TP53BP1: variants seen among roughly 807,000 people sequenced by gnomAD.
TP53BP1 encodes tumor protein p53 binding protein 1.
Under a neutral mutation model 200.8 loss-of-function variants are expected in TP53BP1, and 61 were observed. The ratio of observed to expected loss-of-function variants is 0.30; its 90% CI spans 0.25 to 0.38. The LOEUF (loss-of-function observed/expected upper bound fraction) is 0.38, where lower values mean the gene tolerates loss of function less well. Among genes scored for constraint, TP53BP1 ranks in the 10% least tolerant of loss-of-function variants. The pLI, the probability that TP53BP1 is intolerant of heterozygous loss-of-function variation, is 1.00. For synonymous variants in TP53BP1, 822 were observed against 844.3 expected (o/e 0.97, Z 0.46); for missense variants, 2,144 against 2,371.9 (o/e 0.90, Z 2.00).
At chr15:43,419,576 T>C (rs2045348130) in intron 21 of TP53BP1, among the ~76,000 whole-genome samples, 1 of 131,354 alleles carries the variant, frequency 7.6e-6, no homozygotes, top group Non-Finnish European at 1.6e-5. Flanking sequence ...AGAGACAGGG[T>C]CTCACTATGT....
At chr15:43,482,227 T>A (rs1221955793) in intron 4 of TP53BP1, among the ~76,000 whole-genome samples, 1 of 151,272 alleles carries the variant, frequency 6.6e-6, no homozygotes, top group Non-Finnish European at 1.5e-5. Context: ...AGACTCCACC[T>A]CAAAAAACAA....
intron 26 of TP53BP1, chr15:43,408,327 A>C: frequency 2.5e-6 from 1 of 408,156 alleles, no homozygotes; most frequent in Non-Finnish European, 4.5e-6. Flanking sequence ...AAGACAACAA[A>C]AAAATTAGCT....
chr15:43,422,058 G>GCC lies in TP53BP1; in HGVS notation c.3895_3896dup (p.Ser1300AlafsTer68). On this transcript the variant is annotated frameshift_variant, in exon 19 of 28. Transcript: ENST00000382044. LOFTEE classifies it high-confidence loss of function. ...TGATATCCCCCAGGTCACCTGAGGA[G>GCC]CCCCCAGTCTGTGAAGGGGAAACTT... The GCC allele has an allele frequency of 6.2e-7, 1 of 1,614,138 alleles. No homozygotes were observed. Among genetic ancestry groups the GCC allele is most frequent in the Non-Finnish European group, 8.5e-7 (1 of 1,180,008 alleles).
At chr15:43,493,584 T>C (rs1595632460), upstream of TP53BP1, among the ~76,000 whole-genome samples, 1 of 152,030 alleles carries the variant, frequency 6.6e-6, no homozygotes, top group Non-Finnish European at 1.5e-5. Flanking sequence ...TCAGAGCTGG[T>C]GAACCCAACA....
rs1424251637 is a variant in TP53BP1 at position 43,456,540 on chromosome 15, C to T, written c.2068G>A (p.Glu690Lys). Reference protein sequence around the residue: ...QGEELKEENMESVPLHLSLTE... With the variant: ...QGEELKEENMKSVPLHLSLTE... ...AGAGAAAGGTGCAACGGAACACTCT[C>T]CATATTTTCTTCTTTGAGTTCCTCT... Residue 690 changes from glutamate to lysine, a missense_variant, in exon 12 of 28, where the codon GAG (glutamate) becomes AAG (lysine). Glu to Lys is a moderately conservative substitution (Grantham distance 56). Around this residue, in one of 4 missense-constraint regions of TP53BP1, gnomAD observed 1,700 missense variants for 1,710.3 expected, o/e 0.99. Transcript: ENST00000382044. The T allele has an allele frequency of 1.2e-6, 2 of 1,611,672 alleles. No homozygotes were observed. The highest frequency in any genetic ancestry group is 8.5e-7 in the Non-Finnish European group (1 of 1,178,964).
intron 1 of TP53BP1, among the ~76,000 whole-genome samples, chr15:43,507,910 C>T (rs2439835): frequency 1.3e-5 from 2 of 151,968 alleles, no homozygotes; most frequent in East Asian, 3.9e-4. Context: ...AGATGGGGTT[C>T]CATTATGTAC....
At chr15:43,409,383 G>A (rs2045036803) in intron 25 of TP53BP1, 9 of 555,474 alleles carry the variant, frequency 1.6e-5, no homozygotes. Flanking sequence ...CCCTAATAGG[G>A]GTTTCTACTA....
intron 18 of TP53BP1, among the ~76,000 whole-genome samples, chr15:43,425,223 A>C (rs2142994100): frequency 6.6e-6 from 1 of 152,344 alleles, no homozygotes; most frequent in South Asian, 2.1e-4. Flanking sequence ...AAACAGACTA[A>C]GAGAGCGTTT....
intron 5 of TP53BP1, 112 bp from the exon 6 acceptor site, chr15:43,480,129 T>TG: frequency 5.4e-6 from 5 of 927,976 alleles, no homozygotes; most frequent in Non-Finnish European, 6.4e-6. Context: ...CAAAGCCCTG[T>TG]GCACCCCCCA....
chr15:43,459,346 G>A (rs1372468827), intron 11 of TP53BP1, among the ~76,000 whole-genome samples: 1 of 152,018 alleles, frequency 6.6e-6, no homozygotes, highest in Admixed American at 6.6e-5. Flanking sequence ...CCAAAAAAAA[G>A]ATGTGCAAAT....
At chr15:43,430,917 A>G (rs1377620144) in intron 17 of TP53BP1, among the ~76,000 whole-genome samples, 1 of 152,142 alleles carries the variant, frequency 6.6e-6, no homozygotes, top group African/African-American at 2.4e-5. Flanking sequence ...TTTCACTTAG[A>G]GGAAGCACTT....
intron 15 of TP53BP1, among the ~76,000 whole-genome samples, chr15:43,440,308 G>A (rs1366693329): frequency 6.6e-5 from 10 of 151,832 alleles, no homozygotes; most frequent in Admixed American, 2.6e-4. Flanking sequence ...TCAGGAGATC[G>A]AGACCATCCT....
upstream of TP53BP1, among the ~76,000 whole-genome samples, chr15:43,494,117 G>C (rs1335815872): frequency 6.6e-6 from 1 of 152,166 alleles, no homozygotes; most frequent in Non-Finnish European, 1.5e-5. Context: ...TATTATTTAA[G>C]TGGCAGTTGG....
In TP53BP1 at chr15:43,409,639, C is replaced by G. The variant is rs202137327; in HGVS notation, c.5400+8G>C. On this transcript the variant is annotated splice_region_variant and intron_variant, in intron 25 of 27. Transcript: ENST00000382044. ...CACTATATTAGGTTACACAAAGAAA[C>G]TCCTCACCTGGGCTTCATTGAAATC... 23 of 1,501,394 alleles carry G rather than the reference C, an allele frequency of 1.5e-5. No homozygotes were observed. Among genetic ancestry groups the G allele is most frequent in the Non-Finnish European group, 2.0e-5 (22 of 1,112,406 alleles). The allele number at this position is 1,501,394 out of a possible 1,614,324, so 93.0% of individuals were successfully genotyped here.
chr15:43,464,740 C>T (rs970473994), intron 11 of TP53BP1, among the ~76,000 whole-genome samples: 1 of 150,978 alleles, frequency 6.6e-6, no homozygotes, highest in Non-Finnish European at 1.5e-5. Flanking sequence ...CCCGTCTCTA[C>T]TAAAAAAAAA....
intron 1 of TP53BP1, among the ~76,000 whole-genome samples, chr15:43,509,035 G>GT (rs1432494092): frequency 1.3e-5 from 2 of 152,114 alleles, no homozygotes; most frequent in Admixed American, 1.3e-4. Context: ...CCCTGTGCTA[G>GT]TTAGCGGCCT....
upstream of TP53BP1, among the ~76,000 whole-genome samples, chr15:43,493,783 G>C (rs2079161312): frequency 6.6e-6 from 1 of 152,158 alleles, no homozygotes; most frequent in African/African-American, 2.4e-5. Context: ...TTCCGCCTAG[G>C]ACGTATTTCA....
rs2044847958 is a variant in TP53BP1, at chr15:43,405,742, TTAAAA to T, written c.*1636_*1640del. 1 of 152,798 alleles carries T rather than the reference TTAAAA, an allele frequency of 6.5e-6. No individual in the cohort carries two copies. The highest frequency in any genetic ancestry group is 1.5e-5 in the Non-Finnish European group (1 of 68,574). 9.5% of individuals were successfully genotyped at this position (152,798 alleles called of 1,614,324 possible). A position where few individuals can be genotyped will look rare whatever the true frequency, so the allele number is the denominator to read the frequency against. On this transcript the variant is annotated 3_prime_UTR_variant, in exon 28 of 28. Coordinates refer to ENST00000382044, the MANE Select transcript of TP53BP1 (RefSeq NM_001141980.3). Reference sequence around the variant, plus strand: ...GCAATTCTAGCTAATGAAAATATACTTAAAAGTATTTCTTAGGCCGGGCATGGTGG... The same window carrying T: ...GCAATTCTAGCTAATGAAAATATACTGTATTTCTTAGGCCGGGCATGGTGG...
chr15:43,453,542 T>TA (rs11417392), intron 12 of TP53BP1, among the ~76,000 whole-genome samples: 41,870 of 147,288 alleles, frequency 0.28, 9,881 homozygotes, highest in African/African-American at 0.65. Context: ...ATTCTTAAGA[T>TA]AAAAAAAAAG....
Sources: allele counts gnomAD v4.1 joint callset (sites outside exome capture counted in the v4.1 genomes callset), GRCh38; gene constraint gnomAD v4.1.1; regional missense constraint gnomAD v4.1.1; transcripts MANE v1.5; gene names NCBI Gene and HGNC (gene_info 2026-07-23, HGNC 2026-07-21).